The following SLC6A6 variants were observed in gnomAD, a reference collection of about 807,000 sequenced individuals.
SLC6A6 encodes the protein solute carrier family 6 member 6, also known as sodium- and chloride-dependent taurine transporter.
Under a neutral mutation model 68.8 loss-of-function variants are expected in SLC6A6, and 16 were observed. The ratio of observed to expected loss-of-function variants is 0.23; its 90% CI spans 0.16 to 0.35. SLC6A6 has a LOEUF of 0.35. Ranked by LOEUF, SLC6A6 falls within the 10% of genes least tolerant of loss-of-function variation. The probability of loss-of-function intolerance (pLI) is 1.00; values close to 1 mark genes in which losing one functional copy is unlikely to be tolerated. For missense variants in SLC6A6, 474 were observed against 802.8 expected (o/e 0.59, Z 4.95); for synonymous variants, 312 against 315.4 (o/e 0.99, Z 0.12).
intron 11 of SLC6A6, among the ~76,000 whole-genome samples, chr3:14,478,246 G>A (rs1700925404): frequency 6.6e-6 from 1 of 152,146 alleles, no homozygotes; most frequent in African/African-American, 2.4e-5. Context: ...GGCTCCCGTG[G>A]ACCCATCATT....
At chr3:14,428,108 A>C (rs1406053695) in intron 2 of SLC6A6, among the ~76,000 whole-genome samples, 1 of 152,224 alleles carries the variant, frequency 6.6e-6, no homozygotes, top group Non-Finnish European at 1.5e-5. Flanking sequence ...CACATTGCTC[A>C]GCAAGAATAT....
Position 14,468,312 on chromosome 3 carries a change from G to T in SLC6A6, c.1096+100G>T. Reference sequence around the variant, plus strand: ...CAGACCCCAGGGGGCTTTGAGGGGGGACGAGCCTGGTTTCTAAAATGGACC... The same window carrying T: ...CAGACCCCAGGGGGCTTTGAGGGGGTACGAGCCTGGTTTCTAAAATGGACC... On this transcript the variant is annotated intron_variant, in intron 9 of 14. Coordinates refer to ENST00000622186, the MANE Select transcript of SLC6A6 (RefSeq NM_003043.6). This position sits in a 1 kb window ranked among gnomAD's most constrained non-coding sequence, Gnocchi z 4.5. The T allele has an allele frequency of 9.6e-7, 1 of 1,046,576 alleles. No homozygotes were observed. Among genetic ancestry groups the T allele is most frequent in the Non-Finnish European group, 1.3e-6 (1 of 755,478 alleles). 64.8% of individuals were successfully genotyped at this position (1,046,576 alleles called of 1,614,324 possible). A position where few individuals can be genotyped will look rare whatever the true frequency, so the allele number is the denominator to read the frequency against.
At chr3:14,404,907 C>G (rs1439754081) in intron 1 of SLC6A6, among the ~76,000 whole-genome samples, 2 of 152,252 alleles carry the variant, frequency 1.3e-5, no homozygotes, top group African/African-American at 4.8e-5. Flanking sequence ...TCATCCTCCC[C>G]TGCCTCCTTC....
intron 2 of SLC6A6, among the ~76,000 whole-genome samples, chr3:14,417,649 G>C (rs1356424375): frequency 6.6e-6 from 1 of 151,584 alleles, no homozygotes; most frequent in Admixed American, 6.6e-5. Flanking sequence ...GGAGAATGGC[G>C]TGAACCCGGG....
chr3:14,443,970 C>A (rs746776248), intron 3 of SLC6A6, 107 bp downstream of exon 3: 4 of 726,956 alleles, frequency 5.5e-6, no homozygotes, highest in Admixed American at 4.7e-5. Context: ...CTTTCCCTGG[C>A]CCCCCCCCTT....
At position 14,468,966 on chromosome 3, in the gene SLC6A6, C is replaced by G. The variant is rs1700691562; in HGVS notation, c.1096+754C>G. On this transcript the variant is annotated intron_variant, in intron 9 of 14. Coordinates refer to ENST00000622186, the MANE Select transcript of SLC6A6 (RefSeq NM_003043.6). This position sits in a 1 kb window ranked among gnomAD's most constrained non-coding sequence, Gnocchi z 4.5. Reference sequence around the variant, plus strand: ...GAGTTCCAGCAAGGTGCTTCTGGAACCTGAGAATCATGGGGCCTTCAGTTG... The same window carrying G: ...GAGTTCCAGCAAGGTGCTTCTGGAAGCTGAGAATCATGGGGCCTTCAGTTG... 6.6e-6 allele frequency among the ~76,000 whole-genome samples: 1 copy of G among 152,116 alleles called. No homozygotes were observed. The highest frequency in any genetic ancestry group is 2.4e-5 in the African/African-American group (1 of 41,408).
chr3:14,412,659 G>T (rs1158361219), intron 1 of SLC6A6, among the ~76,000 whole-genome samples: 1 of 152,220 alleles, frequency 6.6e-6, no homozygotes, highest in Non-Finnish European at 1.5e-5. Context: ...GAGACAGCAG[G>T]CCTAAGTGGG....
At chr3:14,466,388 A>C in intron 6 of SLC6A6, 128 bp from the exon 7 acceptor site, 1 of 1,079,568 alleles carries the variant, frequency 9.3e-7, no homozygotes, top group South Asian at 1.6e-5. Context: ...ACAGCAAGTA[A>C]GACAGCAAAC....
At chr3:14,441,433 G>A (rs890408908) in intron 2 of SLC6A6, among the ~76,000 whole-genome samples, 3 of 152,242 alleles carry the variant, frequency 2.0e-5, no homozygotes, top group East Asian at 1.9e-4. Flanking sequence ...TCCCGCGCCC[G>A]GCCCCGAGGG....
chr3:14,466,897 T>G (rs1319390571), intron 7 of SLC6A6, among the ~76,000 whole-genome samples: 1 of 152,172 alleles, frequency 6.6e-6, no homozygotes, highest in Non-Finnish European at 1.5e-5. Flanking sequence ...GGGTGGCCAC[T>G]TAGAGAGGCT....
chr3:14,447,219 G>T, intron 4 of SLC6A6, among the ~76,000 whole-genome samples: 1 of 127,770 alleles, frequency 7.8e-6, no homozygotes, highest in African/African-American at 3.0e-5. Flanking sequence ...CATCTATTCA[G>T]CTATCCATCC....
chr3:14,439,293 G>A (rs1333474780), intron 2 of SLC6A6, among the ~76,000 whole-genome samples: 1 of 152,246 alleles, frequency 6.6e-6, no homozygotes, highest in Non-Finnish European at 1.5e-5. Flanking sequence ...GAGTGTTGGA[G>A]AATAGGAAAC....
intron 1 of SLC6A6, among the ~76,000 whole-genome samples, chr3:14,405,268 C>A (rs143540674): frequency 1.3e-5 from 2 of 152,154 alleles, no homozygotes; most frequent in Non-Finnish European, 2.9e-5. Flanking sequence ...TCCCCTGAGC[C>A]CTGCTACCCA....
At chr3:14,434,501 G>A (rs536263142) in intron 2 of SLC6A6, among the ~76,000 whole-genome samples, 1 of 152,336 alleles carries the variant, frequency 6.6e-6, no homozygotes, top group South Asian at 2.1e-4. Flanking sequence ...AGCAGTGCCT[G>A]GCACATAGTA....
intron 1 of SLC6A6, among the ~76,000 whole-genome samples, chr3:14,405,119 C>CGGGAGTT (rs1699076701): frequency 6.6e-6 from 1 of 152,158 alleles, no homozygotes; most frequent in Admixed American, 6.5e-5. Context: ...CTGATATCCT[C>CGGGAGTT]GGGAGTTGAA....
At position 14,481,913 on chromosome 3, in the gene SLC6A6, C is replaced by A; in HGVS notation, c.1722+72C>A. On this transcript the variant is annotated intron_variant, in intron 14 of 14. Transcript: ENST00000622186. The surrounding 1 kb of genome is among the most constrained non-coding windows in gnomAD (Gnocchi z 4.7). ...AAAGGTGATTGTTGTCAGTTTGCTG[C>A]GTGATCTCAGGCAAGTCACCTGCCC... is the stretch of plus-strand genomic sequence containing the variant. 3.7e-6 allele frequency: 5 copies of A among 1,358,136 alleles called. No homozygotes were observed. The highest frequency in any genetic ancestry group is 5.1e-6 in the Non-Finnish European group (5 of 971,294). 84.1% of individuals were successfully genotyped at this position (1,358,136 alleles called of 1,614,324 possible).
chr3:14,484,253 T>TGCAGCTCCTATCTCTTGGAAGG (rs1701083023), intron 14 of SLC6A6, among the ~76,000 whole-genome samples: 1 of 152,182 alleles, frequency 6.6e-6, no homozygotes, highest in Non-Finnish European at 1.5e-5. Context: ...AGAATTCCCA[T>TGCAGCTCCTATCTCTTGGAAGG]GCAGCTCCTA....
At chr3:14,425,286 A>G (rs116525840) in intron 2 of SLC6A6, among the ~76,000 whole-genome samples, 3,001 of 152,244 alleles carry the variant, frequency 0.02, 104 homozygotes, top group African/African-American at 0.067. Context: ...TTAGGTTCCA[A>G]CTAAAACATA....
In SLC6A6 at chr3:14,416,193, A is replaced by G. The variant is rs531001686; in HGVS notation, c.-53-219A>G. On this transcript the variant is annotated intron_variant, in intron 1 of 14. Coordinates refer to ENST00000622186, the MANE Select transcript of SLC6A6 (RefSeq NM_003043.6). ...GTGTGGGGCTGGGAGTCTGCATATG[A>G]TTACACTTGTGTCTGTGCGTCTGCA... Among the ~76,000 whole-genome samples the G allele has an allele frequency of 2.0e-5, 3 of 152,134 alleles. No homozygotes were observed. The East Asian group carries it at 5.8e-4, about 29-fold the overall frequency.
Sources: allele counts gnomAD v4.1 joint callset (sites outside exome capture counted in the v4.1 genomes callset), GRCh38; gene constraint gnomAD v4.1.1; non-coding constraint Gnocchi (gnomAD v3.1); transcripts MANE v1.5; gene names NCBI Gene and HGNC (gene_info 2026-07-23, HGNC 2026-07-21).